Variants in MED12L observed in about 807,000 individuals in gnomAD.
MED12L encodes mediator complex subunit 12L, also known as mediator of RNA polymerase II transcription subunit 12-like protein.
A neutral mutation model predicts 281.3 loss-of-function variants in MED12L; 60 were observed. That is an observed-to-expected ratio of 0.21 (90% CI 0.17 to 0.26). MED12L has a LOEUF of 0.26. Among genes scored for constraint, MED12L ranks in the 10% least tolerant of loss-of-function variants. MED12L has a pLI of 1.00. For missense variants in MED12L, 2,146 were observed against 2,680.9 expected (o/e 0.80, Z 4.41); for synonymous variants, 974 against 987.2 (o/e 0.99, Z 0.25).
chr3:151,179,385 G>T (rs1297824020), intron 11 of MED12L, among the ~76,000 whole-genome samples: 1 of 152,128 alleles, frequency 6.6e-6, no homozygotes, highest in African/African-American at 2.4e-5. Context: ...ACTTTATTTG[G>T]TCAGGGCTGG....
chr3:151,417,838 T>C (rs755243056), intron 43 of MED12L, among the ~76,000 whole-genome samples: 26 of 152,296 alleles, frequency 1.7e-4, no homozygotes, highest in Admixed American at 4.6e-4. Context: ...TTTAAAAATA[T>C]ATATATGTTT....
rs372078738 is a variant in MED12L, at chr3:151,364,974, C to T, written c.2958-5C>T. Reference sequence around the variant, plus strand: ...CTGTTTTAACTTTTTTTCTTATAACCTCAGTAGTGCCTGTTCAAAAGTAAA... The same window carrying T: ...CTGTTTTAACTTTTTTTCTTATAACTTCAGTAGTGCCTGTTCAAAAGTAAA... On this transcript the variant is annotated splice_polypyrimidine_tract_variant and splice_region_variant and intron_variant, in intron 21 of 44. Coordinates refer to ENST00000687756, the MANE Select transcript of MED12L (RefSeq NM_001393769.1). 6.2e-7 allele frequency: 1 copy of T among 1,605,032 alleles called. No individual in the cohort carries two copies. The highest frequency in any genetic ancestry group is 1.3e-5 in the African/African-American group (1 of 74,660).
At chr3:151,427,948 A>G (rs1719053222) in intron 43 of MED12L, among the ~76,000 whole-genome samples, 1 of 152,240 alleles carries the variant, frequency 6.6e-6, no homozygotes, top group Non-Finnish European at 1.5e-5. Flanking sequence ...TTAACCAGTC[A>G]GAAGTGAACA....
chr3:151,238,704 A>G (rs1733429948), intron 16 of MED12L, among the ~76,000 whole-genome samples: 1 of 152,226 alleles, frequency 6.6e-6, no homozygotes, highest in Non-Finnish European at 1.5e-5. Context: ...AAGAAAAGAA[A>G]AATCAGTTTT....
chr3:151,155,581 C>T (rs558340142), intron 5 of MED12L, among the ~76,000 whole-genome samples: 7 of 152,162 alleles, frequency 4.6e-5, no homozygotes, highest in South Asian at 2.1e-4. Flanking sequence ...TGGGGCAGTG[C>T]GGGTTGGAAT....
At chr3:151,333,075 CTCTT>C (rs2149892371) in intron 16 of MED12L, among the ~76,000 whole-genome samples, 1 of 152,306 alleles carries the variant, frequency 6.6e-6, no homozygotes, top group East Asian at 1.9e-4. Context: ...AGGACACGAT[CTCTT>C]TCTTTTGTGT....
intron 16 of MED12L, chr3:151,294,325 A>C (rs753035114): frequency 6.2e-7 from 1 of 1,614,204 alleles, no homozygotes; most frequent in Non-Finnish European, 8.5e-7. Context: ...GATCCAGGCA[A>C]ACATTACACG....
At chr3:151,305,112 G>A (rs1746472992) in intron 16 of MED12L, among the ~76,000 whole-genome samples, 1 of 152,164 alleles carries the variant, frequency 6.6e-6, no homozygotes, top group African/African-American at 2.4e-5. Flanking sequence ...CGCTCCCTGT[G>A]TGCTTTTACT....
intron 12 of MED12L, 91 bp downstream of exon 12, chr3:151,185,552 T>G (rs1305477524): frequency 1.7e-5 from 24 of 1,383,570 alleles, no homozygotes; most frequent in Non-Finnish European, 2.1e-5. Flanking sequence ...CATTATGTTA[T>G]TCTTTTGCTC....
chr3:151,389,495 G>A (rs1175024518), intron 37 of MED12L, among the ~76,000 whole-genome samples: 1 of 152,178 alleles, frequency 6.6e-6, no homozygotes, highest in Admixed American at 6.5e-5. Context: ...GGGATGAGGG[G>A]AGTGTCTACT....
chr3:151,231,941 G>A (rs1269933957), intron 16 of MED12L, among the ~76,000 whole-genome samples: 7 of 152,160 alleles, frequency 4.6e-5, no homozygotes, highest in Admixed American at 3.3e-4. Context: ...GTATAAACTT[G>A]TGTATTCATG....
At chr3:151,308,541 T>C (rs1399532862) in intron 16 of MED12L, among the ~76,000 whole-genome samples, 1 of 152,132 alleles carries the variant, frequency 6.6e-6, no homozygotes, top group African/African-American at 2.4e-5. Flanking sequence ...AAGATATTCT[T>C]AGAATTCAAG....
At chr3:151,298,630 T>G (rs754245035) in intron 16 of MED12L, among the ~76,000 whole-genome samples, 1 of 152,106 alleles carries the variant, frequency 6.6e-6, no homozygotes, top group African/African-American at 2.4e-5. Flanking sequence ...CCATAGTAAA[T>G]TATTTTGTGC....
At chr3:151,155,894 T>A (rs2148934828) in intron 5 of MED12L, among the ~76,000 whole-genome samples, 1 of 152,188 alleles carries the variant, frequency 6.6e-6, no homozygotes, top group Middle Eastern at 3.4e-3. Flanking sequence ...AGGTTAAGAG[T>A]CACAGAAGCA....
At chr3:151,229,309 T>C (rs1197610781) in intron 16 of MED12L, among the ~76,000 whole-genome samples, 3 of 144,888 alleles carry the variant, frequency 2.1e-5, no homozygotes, top group African/African-American at 7.7e-5. Context: ...GCAATTCTTT[T>C]TTTTTTTTTT....
intron 16 of MED12L, among the ~76,000 whole-genome samples, chr3:151,247,774 C>CA (rs149547852): frequency 0.3 from 43,182 of 141,864 alleles, 6,309 homozygotes; most frequent in Non-Finnish European, 0.32. Context: ...AAAAAAAAAG[C>CA]AAAAAAAAAA....
chr3:151,380,566 C>G (rs1312624501), intron 32 of MED12L, among the ~76,000 whole-genome samples: 1 of 143,430 alleles, frequency 7.0e-6, no homozygotes, highest in East Asian at 2.0e-4. Flanking sequence ...CATTGCACAC[C>G]AGCCTGGGAA....
intron 8 of MED12L, among the ~76,000 whole-genome samples, 196 bp downstream of exon 8, chr3:151,160,297 C>T (rs950038934): frequency 2.0e-5 from 3 of 152,148 alleles, no homozygotes; most frequent in African/African-American, 7.2e-5. Context: ...TCACATTCGT[C>T]TAGGAGAGTG....
At chr3:151,343,470 A>G (rs562156848) in intron 16 of MED12L, among the ~76,000 whole-genome samples, 2 of 152,270 alleles carry the variant, frequency 1.3e-5, no homozygotes, top group Non-Finnish European at 2.9e-5. Flanking sequence ...CTCTGATAAC[A>G]TTTTTTCATT....
Sources: allele counts gnomAD v4.1 joint callset (sites outside exome capture counted in the v4.1 genomes callset), GRCh38; gene constraint gnomAD v4.1.1; transcripts MANE v1.5; gene names NCBI Gene and HGNC (gene_info 2026-07-23, HGNC 2026-07-21).